Variants in TECTA observed in about 807,000 individuals in gnomAD.
TECTA encodes tectorin alpha.
In TECTA, 128 loss-of-function variants were observed where a neutral mutation model predicts 216.8. That is an observed-to-expected ratio of 0.59 (90% confidence interval 0.51 to 0.68). The LOEUF is 0.68. TECTA is among the 30% of genes least tolerant of loss of function. The pLI is 0.00. For missense variants in TECTA, 2,551 were observed against 2,786.2 expected (o/e 0.92, Z 1.90); for synonymous variants, 1,089 against 1,117.1 (o/e 0.97, Z 0.50).
chr11:121,182,296 C>G (rs561816358), intron 20 of TECTA, among the ~76,000 whole-genome samples: 8 of 151,894 alleles, frequency 5.3e-5, no homozygotes, highest in African/African-American at 1.9e-4. Context: ...TGGGCCAACT[C>G]TCAGGCCCCA....
At chr11:121,152,750 G>T (rs1281062468) in intron 12 of TECTA, 131 bp from the exon 13 acceptor site, 2 of 897,968 alleles carry the variant, frequency 2.2e-6, no homozygotes, top group Non-Finnish European at 3.4e-6. Flanking sequence ...AATGAAGAAA[G>T]GCGGCAGACC....
Position 121,118,460 on chromosome 11 carries a change from C to T in TECTA, c.945C>T (p.Ser315=), listed in dbSNP as rs758060391. 1.5e-5 allele frequency: 24 copies of T among 1,614,064 alleles called. No homozygotes were observed. The highest frequency in any genetic ancestry group is 2.2e-5 in the East Asian group (1 of 44,902). ...CEPKGKFFYC[S]AVETSTCVVF... ...CCAAAGGCAAATTCTTCTACTGCAG[C>T]GCTGTGGAGACCAGCACATGCGTGG... is the stretch of plus-strand genomic sequence containing the variant. The change falls in exon 7 of 24, where the codon AGC becomes AGT. Residue 315 remains serine, a synonymous_variant. Coordinates refer to ENST00000392793, the MANE Select transcript of TECTA (RefSeq NM_005422.4).
intron 22 of TECTA, 110 bp from the exon 23 acceptor site, chr11:121,189,654 G>A (rs1400895588): frequency 9.5e-6 from 10 of 1,056,684 alleles, no homozygotes; most frequent in East Asian, 2.5e-5. Context: ...GATTACAGGC[G>A]TGAGCCACCG....
intron 16 of TECTA, among the ~76,000 whole-genome samples, chr11:121,164,358 G>A (rs1010645976): frequency 1.3e-5 from 2 of 152,312 alleles, no homozygotes; most frequent in African/African-American, 4.8e-5. Context: ...CTTGGCTCAT[G>A]CTGGGATTGA....
chr11:121,155,521 T>C (rs1436702772), intron 13 of TECTA, among the ~76,000 whole-genome samples: 3 of 152,194 alleles, frequency 2.0e-5, no homozygotes, highest in African/African-American at 4.8e-5. Context: ...AGCAATAGCA[T>C]CTTGAAGTGC....
intron 20 of TECTA, among the ~76,000 whole-genome samples, chr11:121,186,037 G>A (rs1043438950): frequency 3.9e-5 from 4 of 101,946 alleles, no homozygotes; most frequent in African/African-American, 2.2e-4. Flanking sequence ...AATGAGTAGG[G>A]AAAGCAGATG....
At position 121,113,116 on chromosome 11, in the gene TECTA, A is replaced by C; in HGVS notation, c.531A>C (p.Thr177=). Residue 177 remains threonine, a synonymous_variant, in exon 5 of 24, where the codon ACA becomes ACC. Transcript: ENST00000392793. The surrounding 1 kb of genome is among the most constrained non-coding windows in gnomAD (Gnocchi z 4.2). ...TCCTAGTGTCCGATGGCTCCTATAC[A>C]TTCACCCTCTTCAATTATTACGAAA... ...QAVLVSDGSY[T]FTLFNYYEIN... 1 of 1,613,858 alleles carries C rather than the reference A, an allele frequency of 6.2e-7. No homozygotes were observed.
chr11:121,102,820 A>G, intron 2 of TECTA, 91 bp downstream of exon 2: 1 of 1,085,350 alleles, frequency 9.2e-7, no homozygotes, highest in Non-Finnish European at 1.4e-6. Context: ...TTGTAAGGGC[A>G]GGTGCATGTG....
At position 121,127,525 on chromosome 11, in the gene TECTA, G is replaced by A. The variant is rs1480057508; in HGVS notation, c.1775-227G>A. ...CTGAAAGTTTAATTTTAGTCAAGAT[G>A]ATCAAATTCCAATAGAAGTTCACAG... is the stretch of plus-strand genomic sequence containing the variant. On this transcript the variant is annotated intron_variant, in intron 8 of 23. Coordinates refer to ENST00000392793, the MANE Select transcript of TECTA (RefSeq NM_005422.4). The surrounding 1 kb of genome is among the most constrained non-coding windows in gnomAD (Gnocchi z 5.0). Among the ~76,000 whole-genome samples the A allele has an allele frequency of 1.3e-5, 2 of 152,072 alleles. No homozygotes were observed. The highest frequency in any genetic ancestry group is 4.8e-5 in the African/African-American group (2 of 41,390).
In TECTA at chr11:121,129,972, A is replaced by G. The variant is rs766060917; in HGVS notation, c.2702A>G (p.Glu901Gly). Reference protein sequence around the residue: ...DLLKACNNDSELLKFYRSRSR... With the variant: ...DLLKACNNDSGLLKFYRSRSR... ...CTGAAGGCCTGCAACAATGACTCGG[A>G]GCTGCTCAAGTTTTATCGAAGCCGC... The change falls in exon 10 of 24, where the codon GAG (glutamate) becomes GGG (glycine). Residue 901 changes from glutamate to glycine, a missense_variant. Glu to Gly is a moderately conservative substitution (Grantham distance 98). Transcript: ENST00000392793. 1.9e-6 allele frequency: 3 copies of G among 1,605,910 alleles called. No homozygotes were observed. The South Asian group carries it at 3.3e-5, about 18-fold the overall frequency.
intron 20 of TECTA, among the ~76,000 whole-genome samples, chr11:121,183,017 G>A (rs562184774): frequency 6.6e-6 from 1 of 152,170 alleles, no homozygotes; most frequent in Non-Finnish European, 1.5e-5. Flanking sequence ...TGGCTCTTGG[G>A]TTCTGGGGAG....
chr11:121,138,406 C>T (rs1297629851), intron 11 of TECTA, among the ~76,000 whole-genome samples: 1 of 152,288 alleles, frequency 6.6e-6, no homozygotes, highest in Middle Eastern at 3.4e-3. Context: ...AAAGAAATGC[C>T]TACCTTGCAC....
intron 3 of TECTA, among the ~76,000 whole-genome samples, chr11:121,107,462 A>G (rs556374040): frequency 1.9e-4 from 29 of 152,174 alleles, no homozygotes; most frequent in Non-Finnish European, 3.1e-4. Flanking sequence ...CCAAACCCAA[A>G]GCCTTGCTTC....
intron 12 of TECTA, among the ~76,000 whole-genome samples, chr11:121,147,802 G>A (rs992195134): frequency 8.5e-5 from 13 of 152,130 alleles, no homozygotes; most frequent in Non-Finnish European, 1.9e-4. Context: ...CTGCTCCCAG[G>A]GTGGCTGGGG....
chr11:121,118,628 A>AG lies in TECTA; in HGVS notation c.1115dup (p.Ser373PhefsTer31), dbSNP rs1380941851. 3.6e-5 allele frequency: 58 copies of AG among 1,613,938 alleles called. No individual in the cohort carries two copies. The highest frequency in any genetic ancestry group is 4.7e-5 in the Non-Finnish European group (56 of 1,180,034). On this transcript the variant is annotated frameshift_variant, in exon 7 of 24. Transcript: ENST00000392793. LOFTEE classifies it high-confidence loss of function. ...TGGAGGCCAAGAATGAACACCGCAGAGGTTCAGCCGTCTCCTGGGTGAAGG... is the reference window on the plus strand; with the variant it reads ...TGGAGGCCAAGAATGAACACCGCAGAGGGTTCAGCCGTCTCCTGGGTGAAGG...
intron 20 of TECTA, among the ~76,000 whole-genome samples, chr11:121,176,606 C>T (rs575914677): frequency 7.0e-6 from 1 of 143,478 alleles, no homozygotes; most frequent in Admixed American, 6.9e-5. Flanking sequence ...CTGCCCTTAA[C>T]ATTTTTTCCT....
chr11:121,138,566 G>A (rs148880650), intron 11 of TECTA, among the ~76,000 whole-genome samples: 26 of 152,256 alleles, frequency 1.7e-4, no homozygotes, highest in African/African-American at 5.1e-4. Flanking sequence ...AGTCTCACAC[G>A]CATTTGGAGG....
At chr11:121,134,157 A>G (rs1946702068) in intron 10 of TECTA, among the ~76,000 whole-genome samples, 1 of 152,034 alleles carries the variant, frequency 6.6e-6, no homozygotes. Context: ...CTTCGCGCTC[A>G]TCTTTTAATC....
intron 20 of TECTA, among the ~76,000 whole-genome samples, chr11:121,183,565 G>A (rs552409136): frequency 2.8e-4 from 43 of 152,090 alleles, no homozygotes; most frequent in Non-Finnish European, 5.1e-4. Context: ...TTCATGCCTC[G>A]GAGATCCTCT....
Sources: allele counts gnomAD v4.1 joint callset (sites outside exome capture counted in the v4.1 genomes callset), GRCh38; gene constraint gnomAD v4.1.1; non-coding constraint Gnocchi (gnomAD v3.1); transcripts MANE v1.5; gene names NCBI Gene and HGNC (gene_info 2026-07-23, HGNC 2026-07-21).